The following ADAMTS20 variants were observed in gnomAD, a reference collection of about 807,000 sequenced individuals.
ADAMTS20 encodes A disintegrin and metalloproteinase with thrombospondin motifs 20.
Under a neutral mutation model 260.1 loss-of-function variants are expected in ADAMTS20, and 225 were observed. The ratio of observed to expected loss-of-function variants is 0.87; its 90% CI spans 0.78 to 0.97. ADAMTS20 has a LOEUF of 0.97. Ranked by LOEUF, ADAMTS20 falls within the 50% of genes least tolerant of loss-of-function variation. ADAMTS20 has a pLI of 0.00. For missense variants in ADAMTS20, 2,400 were observed against 2,337.7 expected, an observed-to-expected ratio of 1.03 and a Z score of -0.55; for synonymous variants, 802 against 769.5, an observed-to-expected ratio of 1.04 and a Z score of -0.70.
intron 29 of ADAMTS20, among the ~76,000 whole-genome samples, chr12:43,394,661 A>G (rs1174456897): frequency 2.6e-5 from 4 of 152,144 alleles, no homozygotes; most frequent in African/African-American, 7.2e-5. Context: ...GAAATTGTGA[A>G]CTTCATGTGT....
intron 4 of ADAMTS20, among the ~76,000 whole-genome samples, chr12:43,494,630 T>C (rs1304698492): frequency 6.6e-6 from 1 of 152,230 alleles, no homozygotes; most frequent in East Asian, 1.9e-4. Flanking sequence ...CCAGTGGGGT[T>C]GACAGTAAGT....
chr12:43,370,309 A>C (rs1394800397), intron 36 of ADAMTS20, among the ~76,000 whole-genome samples: 4 of 152,230 alleles, frequency 2.6e-5, no homozygotes, highest in African/African-American at 9.6e-5. Flanking sequence ...TCCCAAGCCC[A>C]GGTACAATGA....
intron 28 of ADAMTS20, among the ~76,000 whole-genome samples, chr12:43,412,985 T>C (rs940801082): frequency 6.6e-6 from 1 of 151,674 alleles, no homozygotes; most frequent in Non-Finnish European, 1.5e-5. Context: ...TAACTTTTTG[T>C]ATTTTAGTAG....
At chr12:43,484,449 A>T (rs1407355399) in intron 7 of ADAMTS20, among the ~76,000 whole-genome samples, 1 of 152,148 alleles carries the variant, frequency 6.6e-6, no homozygotes, top group Admixed American at 6.5e-5. Flanking sequence ...GATATAAATT[A>T]AAAATGTTCT....
At chr12:43,505,535 G>A (rs1942829039) in intron 3 of ADAMTS20, among the ~76,000 whole-genome samples, 1 of 152,064 alleles carries the variant, frequency 6.6e-6, no homozygotes, top group African/African-American at 2.4e-5. Context: ...ATGAAAAGAT[G>A]CTCAGCACAA....
At chr12:43,428,219 T>G in intron 26 of ADAMTS20, 22 bp downstream of exon 26, 1 of 1,609,348 alleles carries the variant, frequency 6.2e-7, no homozygotes, top group South Asian at 1.1e-5. Flanking sequence ...AGAATTAATA[T>G]AACTCAATAA....
intron 29 of ADAMTS20, among the ~76,000 whole-genome samples, chr12:43,389,792 C>T (rs1940560213): frequency 6.6e-6 from 1 of 152,168 alleles, no homozygotes; most frequent in Non-Finnish European, 1.5e-5. Flanking sequence ...TGATTTCCAT[C>T]TGAGACCTCA....
At chr12:43,360,754 G>A (rs1939850327) in intron 37 of ADAMTS20, among the ~76,000 whole-genome samples, 1 of 152,062 alleles carries the variant, frequency 6.6e-6, no homozygotes, top group Admixed American at 6.5e-5. Flanking sequence ...GAGATCACAT[G>A]AACAAAAGTA....
At chr12:43,489,617 G>C (rs2137426543) in intron 7 of ADAMTS20, among the ~76,000 whole-genome samples, 1 of 151,852 alleles carries the variant, frequency 6.6e-6, no homozygotes, top group African/African-American at 2.4e-5. Context: ...TAATCAAAAG[G>C]AATGTTTATT....
intron 36 of ADAMTS20, among the ~76,000 whole-genome samples, chr12:43,371,012 T>C (rs1940096350): frequency 6.6e-6 from 1 of 152,230 alleles, no homozygotes; most frequent in East Asian, 1.9e-4. Flanking sequence ...CCTTTATGCC[T>C]TTATTCCAAT....
At chr12:43,459,239 C>G (rs561682373) in intron 11 of ADAMTS20, among the ~76,000 whole-genome samples, 1 of 152,324 alleles carries the variant, frequency 6.6e-6, no homozygotes, top group East Asian at 1.9e-4. Context: ...AACAGGGTGT[C>G]TGCTGTGCTC....
chr12:43,493,276 A>T lies in ADAMTS20; in HGVS notation c.868-23T>A, dbSNP rs17525003. 212 of 1,471,200 alleles carry T rather than the reference A, an allele frequency of 1.4e-4. 2 individuals carry two copies. The South Asian group carries it at 2.6e-3, about 18-fold the overall frequency. The allele number at this position is 1,471,200 out of a possible 1,614,324, so 91.1% of individuals were successfully genotyped here. A position where few individuals can be genotyped will look rare whatever the true frequency, so the allele number is the denominator to read the frequency against. ...AACCTGCATGTAAAAAAAATGTAGG[A>T]TTAGTTGTTTAAAATGAATATTTCT... On this transcript the variant is annotated intron_variant, in intron 4 of 38. Coordinates refer to ENST00000389420, the MANE Select transcript of ADAMTS20 (RefSeq NM_025003.5).
chr12:43,544,821 A>G (rs1851085807), intron 2 of ADAMTS20, among the ~76,000 whole-genome samples: 1 of 152,086 alleles, frequency 6.6e-6, no homozygotes, highest in Non-Finnish European at 1.5e-5. Context: ...AGTCATTAAA[A>G]CTTTTTGGTC....
At chr12:43,523,566 TG>T (rs1316943830) in intron 3 of ADAMTS20, among the ~76,000 whole-genome samples, 1 of 152,148 alleles carries the variant, frequency 6.6e-6, no homozygotes, top group Non-Finnish European at 1.5e-5. Flanking sequence ...TGAGCTTAGA[TG>T]GCCTAAAATT....
At chr12:43,481,197 C>T (rs766255219) in intron 7 of ADAMTS20, among the ~76,000 whole-genome samples, 8 of 152,038 alleles carry the variant, frequency 5.3e-5, no homozygotes, top group Non-Finnish European at 1.2e-4. Flanking sequence ...TGGTGATGAC[C>T]TTGAGCAGTA....
At chr12:43,368,514 A>T (rs1037103406) in intron 37 of ADAMTS20, among the ~76,000 whole-genome samples, 1 of 152,106 alleles carries the variant, frequency 6.6e-6, no homozygotes. Flanking sequence ...ATATAATGAA[A>T]ATTATAAATG....
chr12:43,541,363 A>C (rs764256119), intron 2 of ADAMTS20, among the ~76,000 whole-genome samples: 5 of 152,192 alleles, frequency 3.3e-5, no homozygotes, highest in Non-Finnish European at 7.4e-5. Context: ...AAATAATTGT[A>C]TCTACCCAAT....
At chr12:43,450,716 T>A (rs1941849271) in intron 14 of ADAMTS20, among the ~76,000 whole-genome samples, 1 of 152,094 alleles carries the variant, frequency 6.6e-6, no homozygotes. Context: ...ATACTTATAT[T>A]TTTAATTATT....
intron 29 of ADAMTS20, among the ~76,000 whole-genome samples, chr12:43,387,736 A>G (rs1350013390): frequency 6.6e-6 from 1 of 152,224 alleles, no homozygotes; most frequent in African/African-American, 2.4e-5. Flanking sequence ...GCAAAGCTGC[A>G]AGCTAGAGTT....
Sources: gnomAD v4.1 joint callset for allele counts (sites outside exome capture counted in the v4.1 genomes callset) on GRCh38, gnomAD v4.1.1 for gene constraint, MANE v1.5 for transcripts, NCBI Gene and HGNC (gene_info 2026-07-23, HGNC 2026-07-21) for gene names.